Variants in FGF14 observed in about 807,000 individuals in gnomAD.
FGF14 encodes fibroblast growth factor 14, also known as fibroblast growth factor homologous factor 4.
In FGF14, 5 loss-of-function variants were observed where a neutral mutation model predicts 25.5. That is an observed-to-expected ratio of 0.20 (90% CI 0.10 to 0.41). The LOEUF is 0.41. FGF14 is among the 10% of genes least tolerant of loss of function. FGF14 has a pLI of 1.00. For synonymous variants in FGF14, 138 were observed against 118.3 expected (o/e 1.17, Z -1.08); for missense variants, 222 against 320.1 (o/e 0.69, Z 2.34).
intron 1 of FGF14, among the ~76,000 whole-genome samples, chr13:101,979,556 C>G (rs554346512): frequency 9.1e-4 from 139 of 152,274 alleles, no homozygotes; most frequent in African/African-American, 3.2e-3. Flanking sequence ...CATTCCCAAA[C>G]CTGGTGTGTT....
chr13:102,236,450 C>T (rs1454866827), intron 1 of FGF14, among the ~76,000 whole-genome samples: 2 of 152,186 alleles, frequency 1.3e-5, no homozygotes, highest in Non-Finnish European at 2.9e-5. Flanking sequence ...GACCCTTTGA[C>T]AGACTGAGAA....
intron 1 of FGF14, among the ~76,000 whole-genome samples, chr13:102,161,620 AAGAAGAAGAAGAAGAAG>A (rs2047697750): frequency 8.5e-4 from 5 of 5,866 alleles, no homozygotes; most frequent in Non-Finnish European, 1.4e-3. Flanking sequence ...GAAGAAGAAG[AAGAAGAAGAAGAAGAAG>A]AAGAAGAAGA....
chr13:102,219,354 G>T (rs1464770672), intron 1 of FGF14, among the ~76,000 whole-genome samples: 1 of 152,102 alleles, frequency 6.6e-6, no homozygotes, highest in East Asian at 1.9e-4. Flanking sequence ...CTACCTCCAT[G>T]CAATGGTTAC....
chr13:101,823,191 T>C (rs1467530818), intron 3 of FGF14, among the ~76,000 whole-genome samples: 1 of 152,042 alleles, frequency 6.6e-6, no homozygotes, highest in Non-Finnish European at 1.5e-5. Context: ...TTTGTGTGGA[T>C]TTATGTTTGC....
intron 1 of FGF14, among the ~76,000 whole-genome samples, chr13:102,221,976 G>A (rs146516791): frequency 1.3e-5 from 2 of 152,194 alleles, no homozygotes; most frequent in African/African-American, 4.8e-5. Flanking sequence ...ATTAGAAAAT[G>A]ATTAGGAGTC....
At chr13:101,790,503 G>A (rs2040176587) in intron 3 of FGF14, among the ~76,000 whole-genome samples, 1 of 151,044 alleles carries the variant, frequency 6.6e-6, no homozygotes, top group Non-Finnish European at 1.5e-5. Flanking sequence ...GAGGGAAGGT[G>A]CAAAGGCAAA....
In FGF14 at chr13:101,720,596, T is replaced by A. The variant is rs982606555; in HGVS notation, c.*2235A>T. ...TGTGTGTTTGTGTGAAGTGAAGTGT[T>A]GCTGCTGTAAGTAGTGTCCATAAGC... On this transcript the variant is annotated 3_prime_UTR_variant, in exon 5 of 5. Coordinates refer to ENST00000376143, the MANE Select transcript of FGF14 (RefSeq NM_004115.4). 2.0e-5 allele frequency: 3 copies of A among 151,460 alleles called. No individual in the cohort carries two copies. The highest frequency in any genetic ancestry group is 1.5e-5 in the Non-Finnish European group (1 of 67,874). The allele number at this position is 151,460 out of a possible 1,614,324, so 9.4% of individuals were successfully genotyped here.
chr13:101,774,746 C>T (rs970934296), intron 3 of FGF14, among the ~76,000 whole-genome samples: 2 of 151,938 alleles, frequency 1.3e-5, no homozygotes, highest in African/African-American at 4.8e-5. Flanking sequence ...GTGATGAATA[C>T]ATGAGCTTAA....
chr13:101,969,356 G>T (rs909200029), intron 1 of FGF14, among the ~76,000 whole-genome samples: 3 of 152,116 alleles, frequency 2.0e-5, no homozygotes, highest in Non-Finnish European at 4.4e-5. Context: ...AAGGTCAGGA[G>T]ATCGAGACCA....
intron 1 of FGF14, among the ~76,000 whole-genome samples, chr13:102,116,130 CAAACAGAATA>C (rs1189927962): frequency 1.3e-5 from 2 of 152,032 alleles, no homozygotes; most frequent in African/African-American, 4.8e-5. Flanking sequence ...AACAAACAAA[CAAACAGAATA>C]AAACACAATC....
intron 1 of FGF14, among the ~76,000 whole-genome samples, chr13:102,392,030 T>C (rs1954717122): frequency 6.6e-6 from 1 of 152,236 alleles, no homozygotes; most frequent in Non-Finnish European, 1.5e-5. Flanking sequence ...TATTATACCA[T>C]GTGCTCCACA....
At chr13:102,167,055 CT>C in intron 1 of FGF14, among the ~76,000 whole-genome samples, 1 of 152,222 alleles carries the variant, frequency 6.6e-6, no homozygotes, top group South Asian at 2.1e-4. Flanking sequence ...AATCCCAGCA[CT>C]TTGGGAGGCC....
chr13:101,839,168 C>T (rs2043078813), intron 3 of FGF14, among the ~76,000 whole-genome samples: 1 of 152,052 alleles, frequency 6.6e-6, no homozygotes, highest in South Asian at 2.1e-4. Flanking sequence ...ACCCATTTCA[C>T]CGCACTGTTC....
intron 1 of FGF14, among the ~76,000 whole-genome samples, chr13:101,992,049 T>C (rs192295629): frequency 8.5e-5 from 13 of 152,204 alleles, no homozygotes; most frequent in African/African-American, 3.1e-4. Flanking sequence ...TGAGAGTACT[T>C]GTAAAGGCCA....
intron 1 of FGF14, among the ~76,000 whole-genome samples, chr13:102,099,119 C>T (rs1449626948): frequency 6.6e-6 from 1 of 152,136 alleles, no homozygotes; most frequent in African/African-American, 2.4e-5. Context: ...CCTCCTGCTC[C>T]CCATCCCTTC....
At chr13:101,936,574 T>C (rs2035121380) in intron 1 of FGF14, among the ~76,000 whole-genome samples, 1 of 152,154 alleles carries the variant, frequency 6.6e-6, no homozygotes, top group Non-Finnish European at 1.5e-5. Context: ...GATAACATAT[T>C]TTAATTAGTG....
intron 3 of FGF14, among the ~76,000 whole-genome samples, chr13:101,748,081 A>G (rs1304339): frequency 0.48 from 72,688 of 151,672 alleles, 18,987 homozygotes; most frequent in Non-Finnish European, 0.58. Flanking sequence ...AACTAAAAAT[A>G]GAACTAACAT....
At chr13:102,052,218 C>A (rs2042241004) in intron 1 of FGF14, among the ~76,000 whole-genome samples, 1 of 151,368 alleles carries the variant, frequency 6.6e-6, no homozygotes, top group African/African-American at 2.4e-5. Flanking sequence ...AAAAGAAAAA[C>A]AACAAAAAGG....
intron 3 of FGF14, among the ~76,000 whole-genome samples, chr13:101,767,082 A>C (rs976206770): frequency 6.6e-6 from 1 of 152,250 alleles, no homozygotes; most frequent in Non-Finnish European, 1.5e-5. Flanking sequence ...AATAACAATA[A>C]AATAAAAGCT....
Sources: gnomAD v4.1 joint callset for allele counts (sites outside exome capture counted in the v4.1 genomes callset) on GRCh38, gnomAD v4.1.1 for gene constraint, MANE v1.5 for transcripts, NCBI Gene and HGNC (gene_info 2026-07-23, HGNC 2026-07-21) for gene names.